The following AKAP19 variants were observed in gnomAD, a reference collection of about 807,000 sequenced individuals.
AKAP19 encodes the protein small A-kinase anchoring protein.
At chr2:190,068,215 C>G in the AKAP19 span, among the ~76,000 whole-genome samples, 5 of 152,300 alleles carry the variant, frequency 3.3e-5, no homozygotes, top group South Asian at 8.3e-4. Context: ...CTAATCCCTA[C>G]CCTTCCATCC....
chr2:190,037,318 G>A, the AKAP19 span, among the ~76,000 whole-genome samples: 1 of 152,292 alleles, frequency 6.6e-6, no homozygotes, highest in Middle Eastern at 3.4e-3. Context: ...CAAGAATTTA[G>A]ACATAGCCTA....
At chr2:190,032,793 A>G in the AKAP19 span, among the ~76,000 whole-genome samples, 5 of 152,242 alleles carry the variant, frequency 3.3e-5, no homozygotes, top group South Asian at 2.1e-4. Flanking sequence ...ATTAAGTTGC[A>G]GGTACCCACA....
the AKAP19 span, among the ~76,000 whole-genome samples, chr2:190,048,472 C>A: frequency 6.6e-6 from 1 of 152,132 alleles, no homozygotes; most frequent in Non-Finnish European, 1.5e-5. Context: ...TTCTATAAAC[C>A]AGTGAGAATT....
At chr2:190,035,822 ATAGT>A in the AKAP19 span, among the ~76,000 whole-genome samples, 2 of 152,248 alleles carry the variant, frequency 1.3e-5, no homozygotes, top group African/African-American at 2.4e-5. Flanking sequence ...CAGGCGATAG[ATAGT>A]TAGGTTATTT....
At chr2:190,068,503 G>A in the AKAP19 span, among the ~76,000 whole-genome samples, 1 of 152,052 alleles carries the variant, frequency 6.6e-6, no homozygotes, top group Non-Finnish European at 1.5e-5. Flanking sequence ...CTAATTTTTT[G>A]TATCTTTAGT....
At chr2:190,198,412 G>A in the AKAP19 span, among the ~76,000 whole-genome samples, 369 of 152,116 alleles carry the variant, frequency 2.4e-3, 1 homozygote, top group Admixed American at 5.6e-3. Context: ...AGGCTGAGGT[G>A]GGCAGATCAC....
the AKAP19 span, among the ~76,000 whole-genome samples, chr2:190,111,617 T>C: frequency 1.1e-4 from 16 of 152,068 alleles, no homozygotes; most frequent in Non-Finnish European, 1.8e-4. Flanking sequence ...AAGGCACTTA[T>C]GCAGGCAATA....
chr2:189,992,353 G>C, the AKAP19 span, among the ~76,000 whole-genome samples: 1 of 151,986 alleles, frequency 6.6e-6, no homozygotes, highest in South Asian at 2.1e-4. Flanking sequence ...ACCACTCCTG[G>C]CCACAATTTT....
chr2:189,959,077 T>C, the AKAP19 span, among the ~76,000 whole-genome samples: 1 of 152,070 alleles, frequency 6.6e-6, no homozygotes, highest in South Asian at 2.1e-4. Flanking sequence ...TTATTTTTTT[T>C]CTTAAACTGG....
At chr2:189,933,323 G>A in the AKAP19 span, among the ~76,000 whole-genome samples, 2 of 152,056 alleles carry the variant, frequency 1.3e-5, no homozygotes, top group African/African-American at 4.8e-5. Flanking sequence ...TCAAAACCGT[G>A]TACCTAGTGT....
At chr2:190,108,317 G>A in the AKAP19 span, among the ~76,000 whole-genome samples, 3 of 152,032 alleles carry the variant, frequency 2.0e-5, no homozygotes, top group Non-Finnish European at 4.4e-5. Flanking sequence ...CAACACGCCC[G>A]GCTAATTTTT....
the AKAP19 span, among the ~76,000 whole-genome samples, chr2:189,883,606 C>T: frequency 6.6e-6 from 1 of 150,408 alleles, no homozygotes; most frequent in Non-Finnish European, 1.5e-5. Context: ...TCTGAACTAG[C>T]TCACTTTTTC....
the AKAP19 span, among the ~76,000 whole-genome samples, chr2:190,119,458 A>C: frequency 6.6e-6 from 1 of 152,168 alleles, no homozygotes; most frequent in Non-Finnish European, 1.5e-5. Flanking sequence ...TTAACACGCA[A>C]ATGCAGGGCA....
At chr2:190,076,570 T>G in the AKAP19 span, among the ~76,000 whole-genome samples, 1 of 151,834 alleles carries the variant, frequency 6.6e-6, no homozygotes, top group Non-Finnish European at 1.5e-5. Context: ...AATTCTATAT[T>G]GCCAACATTT....
At chr2:190,024,795 CCTATT>C in the AKAP19 span, among the ~76,000 whole-genome samples, 1 of 152,098 alleles carries the variant, frequency 6.6e-6, no homozygotes. Context: ...TTGTTTCTAA[CCTATT>C]CTATTGATGT....
the AKAP19 span, among the ~76,000 whole-genome samples, chr2:189,882,140 A>G: frequency 4.9e-4 from 74 of 152,164 alleles, no homozygotes; most frequent in Non-Finnish European, 8.8e-4. Flanking sequence ...CCTGTCAGAA[A>G]GTGACATTCT....
chr2:190,125,565 T>C, the AKAP19 span, among the ~76,000 whole-genome samples: 1 of 152,166 alleles, frequency 6.6e-6, no homozygotes, highest in East Asian at 1.9e-4. Flanking sequence ...AATGCAAAAA[T>C]CAGTGCTGGA....
At chr2:189,893,944 A>G in the AKAP19 span, among the ~76,000 whole-genome samples, 1 of 152,184 alleles carries the variant, frequency 6.6e-6, no homozygotes, top group African/African-American at 2.4e-5. Flanking sequence ...CTGTATATAT[A>G]AATTTCCAGA....
chr2:189,991,360 TA>T, the AKAP19 span, among the ~76,000 whole-genome samples: 1 of 152,198 alleles, frequency 6.6e-6, no homozygotes. Flanking sequence ...CAACATCTAT[TA>T]TTTTTTGATT....
Sources: gnomAD v4.1 joint callset for allele counts (sites outside exome capture counted in the v4.1 genomes callset) on GRCh38, gnomAD v4.1.1 for gene constraint, MANE v1.5 for transcripts, NCBI Gene and HGNC (gene_info 2026-07-23, HGNC 2026-07-21) for gene names.